Variants in SRPK2 observed in about 807,000 individuals in gnomAD.
SRPK2 encodes the protein SRSF protein kinase 2.
A neutral mutation model predicts 90.8 loss-of-function variants in SRPK2; 21 were observed. That is an observed-to-expected ratio of 0.23 (90% CI 0.16 to 0.33). The LOEUF is 0.33. SRPK2 is among the 10% of genes least tolerant of loss of function. SRPK2 has a pLI of 1.00. For missense variants in SRPK2, 620 were observed against 869.0 expected (o/e 0.71, Z 3.60); for synonymous variants, 288 against 311.1 (o/e 0.93, Z 0.78).
chr7:105,254,797 C>A (rs1464857663), intron 2 of SRPK2, among the ~76,000 whole-genome samples: 1 of 152,026 alleles, frequency 6.6e-6, no homozygotes, highest in Non-Finnish European at 1.5e-5. Context: ...TCAAACAATT[C>A]TCCTGCCTCA....
intron 2 of SRPK2, among the ~76,000 whole-genome samples, chr7:105,206,814 C>T (rs1585175844): frequency 3.3e-5 from 5 of 152,148 alleles, no homozygotes; most frequent in Admixed American, 3.3e-4. Flanking sequence ...ATGTTTTATA[C>T]ACGAGTATTT....
chr7:105,167,293 G>T, intron 6 of SRPK2, 84 bp downstream of exon 6: 2 of 1,080,114 alleles, frequency 1.9e-6, no homozygotes, highest in Non-Finnish European at 2.8e-6. Context: ...AGGTGATACA[G>T]CAGTAAACAG....
intron 2 of SRPK2, among the ~76,000 whole-genome samples, chr7:105,278,591 C>G (rs924937546): frequency 1.3e-5 from 2 of 149,608 alleles, no homozygotes; most frequent in South Asian, 2.1e-4. Flanking sequence ...GAAGCTGAGG[C>G]AGGAGAATCG....
At chr7:105,281,039 T>C (rs1807255830) in intron 2 of SRPK2, among the ~76,000 whole-genome samples, 1 of 150,744 alleles carries the variant, frequency 6.6e-6, no homozygotes, top group Admixed American at 6.6e-5. Flanking sequence ...TTACATTAAC[T>C]TTCAACCCAT....
At chr7:105,351,573 C>T (rs1338684568) in intron 2 of SRPK2, among the ~76,000 whole-genome samples, 2 of 151,838 alleles carry the variant, frequency 1.3e-5, no homozygotes, top group Non-Finnish European at 2.9e-5. Flanking sequence ...GTGGCCGAGG[C>T]AGGAGGATCA....
intron 2 of SRPK2, among the ~76,000 whole-genome samples, chr7:105,338,320 C>A (rs1815352021): frequency 6.6e-6 from 1 of 152,218 alleles, no homozygotes; most frequent in Non-Finnish European, 1.5e-5. Flanking sequence ...ACTGCAACCT[C>A]CACATCCCCA....
At chr7:105,319,681 G>GT (rs1008367215) in intron 2 of SRPK2, among the ~76,000 whole-genome samples, 10 of 152,046 alleles carry the variant, frequency 6.6e-5, no homozygotes, top group African/African-American at 2.4e-4. Context: ...ATTGAAAAAC[G>GT]TAACTATGGG....
At chr7:105,177,404 A>C (rs1443490434) in intron 3 of SRPK2, among the ~76,000 whole-genome samples, 1 of 152,232 alleles carries the variant, frequency 6.6e-6, no homozygotes, top group Non-Finnish European at 1.5e-5. Context: ...ACTGCAAGAA[A>C]ATCTTAAAAC....
intron 2 of SRPK2, among the ~76,000 whole-genome samples, chr7:105,377,735 A>G (rs1378762452): frequency 6.6e-6 from 1 of 152,012 alleles, no homozygotes; most frequent in Admixed American, 6.6e-5. Context: ...AGCCTGGCCA[A>G]AGTCACCATT....
At chr7:105,226,592 T>C (rs1348977132) in intron 2 of SRPK2, among the ~76,000 whole-genome samples, 1 of 152,090 alleles carries the variant, frequency 6.6e-6, no homozygotes, top group African/African-American at 2.4e-5. Flanking sequence ...CGGGCCAAAA[T>C]TCATGTTTTA....
intron 3 of SRPK2, among the ~76,000 whole-genome samples, chr7:105,172,373 G>A (rs553557886): frequency 1.2e-4 from 18 of 152,330 alleles, no homozygotes; most frequent in African/African-American, 4.3e-4. Flanking sequence ...TAGGAAGGAA[G>A]AAGGGAGAAG....
chr7:105,331,450 A>T (rs1184132263), intron 2 of SRPK2, among the ~76,000 whole-genome samples: 1 of 152,124 alleles, frequency 6.6e-6, no homozygotes, highest in Non-Finnish European at 1.5e-5. Context: ...TAAACTATTG[A>T]TCCTAAAACC....
chr7:105,146,592 T>C lies in SRPK2; in HGVS notation c.688A>G (p.Asn230Asp). The C allele has an allele frequency of 6.2e-7, 1 of 1,614,208 alleles. No homozygotes were observed. The highest frequency in any genetic ancestry group is 8.5e-7 in the Non-Finnish European group (1 of 1,180,028). ...GCATCATCCACACACATCAAGATAT[T>C]TTCCGGCTTTATGTCAGTATGAATG... ...KIIHTDIKPE[N>D]ILMCVDDAYV... The change falls in exon 8 of 16, where the codon AAT becomes GAT. Residue 230 changes from asparagine to aspartate, a missense_variant. Transcript: ENST00000393651.
chr7:105,385,152 G>A, intron 2 of SRPK2, among the ~76,000 whole-genome samples: 1 of 133,888 alleles, frequency 7.5e-6, no homozygotes, highest in Non-Finnish European at 1.6e-5. Context: ...GATTACAGGC[G>A]TGAGCCACCG....
At chr7:105,146,024 C>T (rs1029986685) in intron 8 of SRPK2, among the ~76,000 whole-genome samples, 2 of 152,196 alleles carry the variant, frequency 1.3e-5, no homozygotes, top group Middle Eastern at 3.2e-3. Context: ...TATCCCAATA[C>T]TCAGGTCACT....
intron 3 of SRPK2, among the ~76,000 whole-genome samples, chr7:105,179,839 A>T (rs2129597073): frequency 6.6e-6 from 1 of 151,318 alleles, no homozygotes; most frequent in Admixed American, 6.6e-5. Flanking sequence ...AAAAAAAAAA[A>T]AAAAAAAAAG....
At chr7:105,251,080 C>A (rs1246257364) in intron 2 of SRPK2, among the ~76,000 whole-genome samples, 2 of 152,174 alleles carry the variant, frequency 1.3e-5, no homozygotes, top group African/African-American at 2.4e-5. Context: ...CACCCAAACA[C>A]AATTTCTTCA....
At chr7:105,381,881 C>T (rs1820988558) in intron 2 of SRPK2, among the ~76,000 whole-genome samples, 2 of 151,992 alleles carry the variant, frequency 1.3e-5, no homozygotes, top group Admixed American at 1.3e-4. Context: ...AAAACTGTCT[C>T]ACCAAGCTGG....
intron 2 of SRPK2, chr7:105,206,004 T>A (rs772131193): frequency 3.9e-6 from 2 of 519,048 alleles, no homozygotes; most frequent in Admixed American, 3.9e-5. Flanking sequence ...GCTCTTGTGC[T>A]GCCAGTGCAC....
Sources: allele counts gnomAD v4.1 joint callset (sites outside exome capture counted in the v4.1 genomes callset), GRCh38; gene constraint gnomAD v4.1.1; transcripts MANE v1.5; gene names NCBI Gene and HGNC (gene_info 2026-07-23, HGNC 2026-07-21).